Variants in RPS19 observed in about 807,000 individuals in gnomAD.
RPS19 encodes the protein ribosomal protein S19.
A neutral mutation model predicts 20.3 loss-of-function variants in RPS19; 1 was observed. The observed-to-expected ratio is 0.05, with a 90% confidence interval of 0.02 to 0.23. The LOEUF (loss-of-function observed/expected upper bound fraction) is 0.23, where lower values mean the gene tolerates loss of function less well. RPS19 is among the 10% of genes least tolerant of loss of function. RPS19 has a pLI of 1.00. For synonymous variants in RPS19, 87 were observed against 74.8 expected (o/e 1.16, Z -0.84); for missense variants, 111 against 192.7 (o/e 0.58, Z 2.51).
rs2074154925 is a variant in RPS19, at chr19:41,872,117, C to T, written c.*740C>T. On this transcript the variant is annotated 3_prime_UTR_variant, in exon 6 of 6. Coordinates refer to ENST00000598742, the MANE Select transcript of RPS19 (RefSeq NM_001022.4). ...AGAAGTTGAATTACCAGGGCGGCCA[C>T]ACACGGGCTGCACAACCTTTGCAGT... The T allele has an allele frequency of 6.6e-6, 1 of 152,384 alleles. No homozygotes were observed. The highest frequency in any genetic ancestry group is 6.5e-5 in the Admixed American group (1 of 15,288). The allele number at this position is 152,384 out of a possible 1,614,324, so 9.4% of individuals were successfully genotyped here. A position where few individuals can be genotyped will look rare whatever the true frequency, so the allele number is the denominator to read the frequency against.
At position 41,869,170 on chromosome 19, in the gene RPS19, C is replaced by T. The variant is rs2074119628; in HGVS notation, c.312C>T (p.Leu104=). The change falls in exon 4 of 6, where the codon CTC becomes CTT. Residue 104 remains leucine, a synonymous_variant. Coordinates refer to ENST00000598742, the MANE Select transcript of RPS19 (RefSeq NM_001022.4). ...CCAAGAGTGTGGCCCGCCGGGTCCTCCAAGCCCTGGAGGGGCTGAAAATGG... is the reference window on the plus strand; with the variant it reads ...CCAAGAGTGTGGCCCGCCGGGTCCTTCAAGCCCTGGAGGGGCTGAAAATGG... ...RGSKSVARRV[L]QALEGLKMVE... is the part of the protein sequence containing the mutation. 1.9e-6 allele frequency: 3 copies of T among 1,613,816 alleles called. No individual in the cohort carries two copies. Among genetic ancestry groups the T allele is most frequent in the Non-Finnish European group, 1.7e-6 (2 of 1,179,996 alleles).
At chr19:41,863,552 G>A (rs958133208) in intron 3 of RPS19, among the ~76,000 whole-genome samples, 1 of 152,170 alleles carries the variant, frequency 6.6e-6, no homozygotes, top group Non-Finnish European at 1.5e-5. Flanking sequence ...CTAAAGCAGC[G>A]CCCTTGCTGA....
chr19:41,865,323 G>A (rs7258163), intron 3 of RPS19, among the ~76,000 whole-genome samples: 68,770 of 150,312 alleles, frequency 0.46, 16,567 homozygotes, highest in Middle Eastern at 0.68. Context: ...CTGAGATCAC[G>A]CCACTGCACT....
In RPS19 at chr19:41,860,834, C is replaced by G. The variant is rs149249194; in HGVS notation, c.60C>G (p.Ala20=). 1,947 of 1,613,674 alleles carry G rather than the reference C, an allele frequency of 1.2e-3. 25 individuals carry two copies. In the Admixed American group the frequency reaches 0.015, roughly 12 times the overall value. Residue 20 remains alanine (A), a synonymous_variant, in exon 2 of 6, where the codon GCC becomes GCG. Coordinates refer to ENST00000598742, the MANE Select transcript of RPS19 (RefSeq NM_001022.4). ...AGGAGTTCGTCAGAGCTCTGGCAGC[C>G]TTCCTCAAAAAGTGAGTTTGGGGAC... The part of the protein sequence containing the change: ...NQQEFVRALA[A]FLKKSGKLKV...
intron 3 of RPS19, among the ~76,000 whole-genome samples, chr19:41,866,635 T>G (rs2074093077): frequency 2.0e-5 from 3 of 152,094 alleles, no homozygotes; most frequent in African/African-American, 7.2e-5. Context: ...CAGAGCATGG[T>G]TGTATAGTAT....
intron 5 of RPS19, among the ~76,000 whole-genome samples, chr19:41,870,202 A>G (rs540673790): frequency 2.2e-3 from 327 of 151,718 alleles, no homozygotes; most frequent in African/African-American, 6.8e-3. Flanking sequence ...AGATCATGCC[A>G]TTGCACCCCA....
At chr19:41,869,661 T>G in intron 4 of RPS19, 38 bp from the exon 5 acceptor site, 1 of 1,609,044 alleles carries the variant, frequency 6.2e-7, no homozygotes, top group East Asian at 2.2e-5. Context: ...ACAGGACCTG[T>G]GCTCACTGGG....
At chr19:41,869,668 T>C in intron 4 of RPS19, 31 bp from the exon 5 acceptor site, 1 of 1,611,766 alleles carries the variant, frequency 6.2e-7, no homozygotes, top group Non-Finnish European at 8.5e-7. Flanking sequence ...CTGTGCTCAC[T>C]GGGGCCTGCA....
At chr19:41,869,512 C>T in intron 4 of RPS19, 187 bp from the exon 5 acceptor site, 1 of 631,162 alleles carries the variant, frequency 1.6e-6, no homozygotes, top group Non-Finnish European at 2.8e-6. Flanking sequence ...AAACAACACC[C>T]CGTCAGCTCC....
Position 41,861,096 on chromosome 19 carries a change from A to T in RPS19, c.72-16A>T. 1 of 1,604,402 alleles carries T rather than the reference A, an allele frequency of 6.2e-7. No individual in the cohort carries two copies. The highest frequency in any genetic ancestry group is 1.3e-5 in the African/African-American group (1 of 74,786). On this transcript the variant is annotated splice_polypyrimidine_tract_variant and intron_variant, in intron 2 of 5. Transcript: ENST00000598742. ...GAGATGACTGAATCGTGCTTTTCCC[A>T]CTGTTTTGGTCTTAGGTCCGGGAAG...
intron 3 of RPS19, among the ~76,000 whole-genome samples, chr19:41,868,616 CAG>C (rs1220339916): frequency 2.0e-5 from 3 of 152,182 alleles, no homozygotes; most frequent in African/African-American, 7.2e-5. Flanking sequence ...ACCCACTGCA[CAG>C]AGTGTCTGCC....
At position 41,871,867 on chromosome 19, in the gene RPS19, G is replaced by A. The variant is rs2074152738; in HGVS notation, c.*490G>A. The A allele has an allele frequency of 1.1e-5, 2 of 187,480 alleles. No homozygotes were observed. Among genetic ancestry groups the A allele is most frequent in the African/African-American group, 4.8e-5 (2 of 42,042 alleles). 11.6% of individuals were successfully genotyped at this position (187,480 alleles called of 1,614,324 possible). A position where few individuals can be genotyped will look rare whatever the true frequency, so the allele number is the denominator to read the frequency against. Reference sequence around the variant, plus strand: ...GGCTGCAGAGGTGGCTTCCGCTGGAGTAAAGCAAGAGGGCCCAGGGTTCAT... The same window carrying A: ...GGCTGCAGAGGTGGCTTCCGCTGGAATAAAGCAAGAGGGCCCAGGGTTCAT... On this transcript the variant is annotated 3_prime_UTR_variant, in exon 6 of 6. Coordinates refer to ENST00000598742, the MANE Select transcript of RPS19 (RefSeq NM_001022.4).
At chr19:41,865,707 C>T (rs531204348) in intron 3 of RPS19, among the ~76,000 whole-genome samples, 1 of 147,592 alleles carries the variant, frequency 6.8e-6, no homozygotes. Context: ...CCAGCACTTT[C>T]GGAGGCCGAG....
intron 4 of RPS19, 50 bp from the exon 5 acceptor site, chr19:41,869,649 G>A (rs1415709844): frequency 6.3e-7 from 1 of 1,599,910 alleles, no homozygotes; most frequent in Admixed American, 1.7e-5. Flanking sequence ...AAGGGGCTGA[G>A]AACAGGACCT....
In RPS19 at chr19:41,870,848, C is replaced by CTTT. The variant is rs2074139987; in HGVS notation, c.412-503_412-502insTTT. 2.5e-3 allele frequency among the ~76,000 whole-genome samples: 213 copies of CTTT among 85,788 alleles called. 43 individuals are homozygous for CTTT. Among genetic ancestry groups the CTTT allele is most frequent in the Middle Eastern group, 0.01 (1 of 100 alleles). The allele number at this position is 85,788 out of a possible 152,430, so 56.3% of individuals were successfully genotyped here. A position where few individuals can be genotyped will look rare whatever the true frequency, so the allele number is the denominator to read the frequency against. ...TTGGACTCCACTCCGCCACTCCCTT[C>CTTT]CTTTTTTTTTTTTTTTTTTTTTTTT... is the stretch of plus-strand genomic sequence containing the variant. On this transcript the variant is annotated intron_variant, in intron 5 of 5. Coordinates refer to ENST00000598742, the MANE Select transcript of RPS19 (RefSeq NM_001022.4).
Position 41,860,872 on chromosome 19 carries a change from C to G in RPS19, c.71+27C>G, listed in dbSNP as rs371017990. 7 of 1,589,282 alleles carry G rather than the reference C, an allele frequency of 4.4e-6. No homozygotes were observed. In the African/African-American group the frequency reaches 8.1e-5, roughly 18 times the overall value. On this transcript the variant is annotated intron_variant, in intron 2 of 5. Transcript: ENST00000598742. ...TGAGTTTGGGGACTGAGGTTCAAAA[C>G]GGGTGGAGGCTGTCGCCTTGGCCTG... is the stretch of plus-strand genomic sequence containing the variant.
chr19:41,862,977 T>C (rs2074047965), intron 3 of RPS19, among the ~76,000 whole-genome samples: 1 of 152,222 alleles, frequency 6.6e-6, no homozygotes, highest in Non-Finnish European at 1.5e-5. Flanking sequence ...GTTGTAGTTG[T>C]GGCAGAAGCT....
chr19:41,868,484 C>T (rs1025455688), intron 3 of RPS19, among the ~76,000 whole-genome samples: 3 of 152,268 alleles, frequency 2.0e-5, no homozygotes, highest in East Asian at 1.9e-4. Context: ...GCTGGTGTGT[C>T]GACTGGATTT....
chr19:41,871,281 G>A (rs1299118061), intron 5 of RPS19, 70 bp from the exon 6 acceptor site: 14 of 1,393,264 alleles, frequency 1.0e-5, no homozygotes, highest in Admixed American at 1.7e-5. Context: ...TGGGTAGTTA[G>A]GTAGCTGTTA....
Sources: allele counts gnomAD v4.1 joint callset (sites outside exome capture counted in the v4.1 genomes callset), GRCh38; gene constraint gnomAD v4.1.1; transcripts MANE v1.5; gene names NCBI Gene and HGNC (gene_info 2026-07-23, HGNC 2026-07-21).